Variants in MTRF1 observed in about 807,000 individuals in gnomAD.
MTRF1 encodes the protein peptide chain release factor 1, mitochondrial.
In MTRF1, 51 loss-of-function variants were observed where a neutral mutation model predicts 62.9. The ratio of observed to expected loss-of-function variants is 0.81; its 90% CI spans 0.65 to 1.02. MTRF1 has a LOEUF of 1.02. MTRF1 is among the 50% of genes least tolerant of loss of function. The pLI, the probability that MTRF1 is intolerant of heterozygous loss-of-function variation, is 0.00. For missense variants in MTRF1, 446 were observed against 530.0 expected (o/e 0.84, Z 1.56); for synonymous variants, 158 against 181.9 (o/e 0.87, Z 1.06).
At position 41,240,442 on chromosome 13, in the gene MTRF1, A is replaced by T; in HGVS notation, c.698-9T>A. 6.2e-7 allele frequency: 1 copy of T among 1,609,126 alleles called. No homozygotes were observed. Among genetic ancestry groups the T allele is most frequent in the Non-Finnish European group, 8.5e-7 (1 of 1,177,638 alleles). ...TGCATGATGTAGTCCACCTAGGGGA[A>T]CAACAATCCAGAAATAGTAATGAAT... is the stretch of plus-strand genomic sequence containing the variant. On this transcript the variant is annotated splice_polypyrimidine_tract_variant and intron_variant, in intron 5 of 9. Transcript: ENST00000379480.
At chr13:41,300,660 T>G in the MTRF1 span, among the ~76,000 whole-genome samples, 1 of 151,820 alleles carries the variant, frequency 6.6e-6, no homozygotes, top group Non-Finnish European at 1.5e-5. Context: ...TCCTCCTGCC[T>G]CAGCTTCCCT....
the MTRF1 span, among the ~76,000 whole-genome samples, chr13:41,269,008 G>C: frequency 6.8e-6 from 1 of 146,228 alleles, no homozygotes; most frequent in Non-Finnish European, 1.5e-5. Context: ...GGTTTGACGT[G>C]ACCATCCCTT....
At chr13:41,247,154 G>C (rs1397850973) in intron 5 of MTRF1, among the ~76,000 whole-genome samples, 1 of 152,222 alleles carries the variant, frequency 6.6e-6, no homozygotes. Context: ...GTACAGTGTT[G>C]ACATGCAGCT....
the MTRF1 span, among the ~76,000 whole-genome samples, chr13:41,288,662 T>C: frequency 6.6e-6 from 1 of 152,206 alleles, no homozygotes; most frequent in Non-Finnish European, 1.5e-5. Context: ...TCTTAAATAA[T>C]GTGGTTATGA....
chr13:41,311,016 C>G, the MTRF1 span, among the ~76,000 whole-genome samples: 1 of 152,180 alleles, frequency 6.6e-6, no homozygotes, highest in Non-Finnish European at 1.5e-5. Context: ...TCTTATGAGG[C>G]GTTCTGATGC....
At chr13:41,218,281 A>ATTTTT (rs199717534) in intron 9 of MTRF1, among the ~76,000 whole-genome samples, 21 of 117,884 alleles carry the variant, frequency 1.8e-4, no homozygotes, top group African/African-American at 4.8e-4. Context: ...CACCCAGCTA[A>ATTTTT]TTTTTTTTTT....
At chr13:41,298,060 T>C in the MTRF1 span, among the ~76,000 whole-genome samples, 1 of 152,244 alleles carries the variant, frequency 6.6e-6, no homozygotes, top group Non-Finnish European at 1.5e-5. Context: ...GTGAATATTA[T>C]ATAATCTACA....
chr13:41,273,923 C>A, the MTRF1 span, among the ~76,000 whole-genome samples: 1 of 152,186 alleles, frequency 6.6e-6, no homozygotes, highest in African/African-American at 2.4e-5. Flanking sequence ...CAACTCCAAG[C>A]TGGGAAGGAG....
the MTRF1 span, among the ~76,000 whole-genome samples, chr13:41,274,961 A>G: frequency 1.3e-5 from 2 of 152,082 alleles, no homozygotes; most frequent in Non-Finnish European, 2.9e-5. Context: ...GAAACGAAAG[A>G]CATCATTTTA....
At chr13:41,305,430 T>C in the MTRF1 span, among the ~76,000 whole-genome samples, 4 of 152,278 alleles carry the variant, frequency 2.6e-5, no homozygotes, top group East Asian at 5.8e-4. Flanking sequence ...TGGATTCCCA[T>C]TGAATTTAAG....
At chr13:41,309,167 C>T in the MTRF1 span, among the ~76,000 whole-genome samples, 5 of 151,740 alleles carry the variant, frequency 3.3e-5, no homozygotes, top group Non-Finnish European at 7.4e-5. Context: ...AATAGTGCTG[C>T]GATGAACATA....
the MTRF1 span, among the ~76,000 whole-genome samples, chr13:41,289,586 C>T: frequency 2.6e-5 from 4 of 152,168 alleles, no homozygotes; most frequent in Non-Finnish European, 5.9e-5. Context: ...AGTGGTTGGA[C>T]CGAGAACAAG....
rs1032965277 is a variant in MTRF1 at position 41,263,371 on chromosome 13, G to A, written c.-9+114C>T. Reference sequence around the variant, plus strand: ...GAGTGTAGGCAGGTCAGAAGCGACAGCCCGCGGGGCAGCAGCACGGGCAAA... The same window carrying A: ...GAGTGTAGGCAGGTCAGAAGCGACAACCCGCGGGGCAGCAGCACGGGCAAA... On this transcript the variant is annotated intron_variant, in intron 1 of 9. Transcript: ENST00000379480. 5 of 1,157,138 alleles carry A rather than the reference G, an allele frequency of 4.3e-6. No homozygotes were observed. The African/African-American group carries it at 6.3e-5, about 15-fold the overall frequency. The allele number at this position is 1,157,138 out of a possible 1,614,324, so 71.7% of individuals were successfully genotyped here. A position where few individuals can be genotyped will look rare whatever the true frequency, so the allele number is the denominator to read the frequency against.
intron 6 of MTRF1, among the ~76,000 whole-genome samples, chr13:41,234,518 A>G (rs1166711967): frequency 6.6e-6 from 1 of 152,164 alleles, no homozygotes; most frequent in Non-Finnish European, 1.5e-5. Context: ...GGATGTTATG[A>G]GATCACTGAG....
chr13:41,226,837 G>T (rs562468880), intron 7 of MTRF1, among the ~76,000 whole-genome samples: 25 of 152,230 alleles, frequency 1.6e-4, no homozygotes, highest in Non-Finnish European at 3.5e-4. Context: ...CCCCGAGCTT[G>T]GCCTCTTCCT....
Position 41,220,323 on chromosome 13 carries a change from G to GAA in MTRF1, c.1224+2932_1224+2933insTT, listed in dbSNP as rs1555243201. On this transcript the variant is annotated intron_variant, in intron 9 of 9. Coordinates refer to ENST00000379480, the MANE Select transcript of MTRF1 (RefSeq NM_004294.4). ...GGGCAACAGAGTGAGAATCTGTCTCGGAAAAAAAAAAAAAAAAAAAAAACA... is the reference window on the plus strand; with the variant it reads ...GGGCAACAGAGTGAGAATCTGTCTCGAAGAAAAAAAAAAAAAAAAAAAAAACA... 2.3e-3 allele frequency among the ~76,000 whole-genome samples: 215 copies of GAA among 93,296 alleles called. 15 individuals are homozygous for GAA. The highest frequency in any genetic ancestry group is 3.9e-3 in the African/African-American group (82 of 20,920). 61.2% of individuals were successfully genotyped at this position (93,296 alleles called of 152,430 possible).
At chr13:41,307,347 T>C in the MTRF1 span, among the ~76,000 whole-genome samples, 2 of 152,116 alleles carry the variant, frequency 1.3e-5, no homozygotes, top group Admixed American at 6.5e-5. Context: ...GTAGCACCGC[T>C]GGGCATTGTG....
At chr13:41,246,360 C>CT (rs1199396658) in intron 5 of MTRF1, among the ~76,000 whole-genome samples, 5 of 152,046 alleles carry the variant, frequency 3.3e-5, no homozygotes, top group African/African-American at 1.2e-4. Context: ...TTCAGAGAGA[C>CT]TGAAAACTAT....
intron 5 of MTRF1, among the ~76,000 whole-genome samples, chr13:41,243,252 T>C (rs926718241): frequency 2.7e-5 from 4 of 150,630 alleles, no homozygotes; most frequent in African/African-American, 9.8e-5. Flanking sequence ...AAAATAAAAA[T>C]AAAAAAATTA....
Sources: gnomAD v4.1 joint callset for allele counts (sites outside exome capture counted in the v4.1 genomes callset) on GRCh38, gnomAD v4.1.1 for gene constraint, MANE v1.5 for transcripts, NCBI Gene and HGNC (gene_info 2026-07-23, HGNC 2026-07-21) for gene names.